YEATS2: variants seen among roughly 807,000 people sequenced by gnomAD.
The protein encoded by YEATS2 is YEATS domain-containing protein 2.
YEATS2 carries 77 observed loss-of-function variants against 163.2 expected under a neutral mutation model. That is an observed-to-expected ratio of 0.47 (90% CI 0.39 to 0.57). The LOEUF (loss-of-function observed/expected upper bound fraction) is 0.57, where lower values mean the gene tolerates loss of function less well. Among genes scored for constraint, YEATS2 ranks in the 20% least tolerant of loss-of-function variants. The pLI is 0.00. For synonymous variants in YEATS2, 631 were observed against 645.1 expected (o/e 0.98, Z 0.33); for missense variants, 1,549 against 1,729.8 (o/e 0.90, Z 1.85).
At chr3:183,748,241 C>G (rs1261906409) in intron 9 of YEATS2, among the ~76,000 whole-genome samples, 1 of 149,990 alleles carries the variant, frequency 6.7e-6, no homozygotes, top group East Asian at 2.0e-4. Context: ...TCCCCTTGTC[C>G]CCTCCCCTTC....
intron 10 of YEATS2, 145 bp downstream of exon 10, chr3:183,752,398 A>T: frequency 9.7e-7 from 1 of 1,035,982 alleles, no homozygotes; most frequent in Non-Finnish European, 1.4e-6. Flanking sequence ...ATGAAAGCCA[A>T]ATTTCCACTC....
rs138235063 is a variant in YEATS2, at chr3:183,807,941, G to A, written c.4012-89G>A. 2.7e-5 allele frequency: 29 copies of A among 1,089,806 alleles called. No individual in the cohort carries two copies. In the East Asian group the frequency reaches 6.1e-4, roughly 23 times the overall value. The allele number at this position is 1,089,806 out of a possible 1,614,324, so 67.5% of individuals were successfully genotyped here. ...AGAGTCCTCCTTCCAACCAGGCATC[G>A]CTTTGCATGTCAGGGAGGTATGCTT... On this transcript the variant is annotated intron_variant, in intron 28 of 30. Coordinates refer to ENST00000305135, the MANE Select transcript of YEATS2 (RefSeq NM_018023.5).
chr3:183,810,379 C>T (rs1237951008), intron 30 of YEATS2, 96 bp from the exon 31 acceptor site: 4 of 1,167,882 alleles, frequency 3.4e-6, no homozygotes, highest in Non-Finnish European at 5.0e-6. Flanking sequence ...CACGGGGCCT[C>T]TGCCTGGGAT....
At chr3:183,788,977 T>G (rs1347014979) in intron 20 of YEATS2, among the ~76,000 whole-genome samples, 1 of 152,252 alleles carries the variant, frequency 6.6e-6, no homozygotes, top group Non-Finnish European at 1.5e-5. Context: ...ATGAGATTGT[T>G]TGGCTTTTTT....
Position 183,810,645 on chromosome 3 carries a change from C to A in YEATS2, c.*62C>A. 6.7e-7 allele frequency: 1 copy of A among 1,497,758 alleles called. No individual in the cohort carries two copies. Among genetic ancestry groups the A allele is most frequent in the Non-Finnish European group, 9.2e-7 (1 of 1,082,270 alleles). 92.8% of individuals were successfully genotyped at this position (1,497,758 alleles called of 1,614,324 possible). A position where few individuals can be genotyped will look rare whatever the true frequency, so the allele number is the denominator to read the frequency against. On this transcript the variant is annotated 3_prime_UTR_variant, in exon 31 of 31. Transcript: ENST00000305135. ...GCACAGCGAAGCTGTAACTGAGGAC[C>A]CTGCTGCTCGGGAAGGAGGTGGTTT...
chr3:183,724,850 T>C (rs193008337), intron 6 of YEATS2, among the ~76,000 whole-genome samples: 231 of 152,250 alleles, frequency 1.5e-3, no homozygotes, highest in Non-Finnish European at 2.6e-3. Context: ...TTCAAGCGAT[T>C]CTCCTGCCTT....
At chr3:183,805,468 C>T (rs200652968) in intron 27 of YEATS2, among the ~76,000 whole-genome samples, 1 of 151,914 alleles carries the variant, frequency 6.6e-6, no homozygotes, top group Non-Finnish European at 1.5e-5. Flanking sequence ...AAGCTCCACC[C>T]CTCCTGTCCA....
intron 28 of YEATS2, 25 bp from the exon 29 acceptor site, chr3:183,808,005 A>G (rs1318904382): frequency 1.9e-6 from 3 of 1,549,704 alleles, no homozygotes; most frequent in Non-Finnish European, 2.6e-6. Context: ...CGATACGAAC[A>G]AACGGCTTTC....
intron 1 of YEATS2, among the ~76,000 whole-genome samples, chr3:183,700,349 T>TA (rs1713927005): frequency 1.3e-5 from 2 of 152,184 alleles, no homozygotes; most frequent in African/African-American, 4.8e-5. Context: ...CGATGTACAT[T>TA]ACCCTGTATT....
intron 12 of YEATS2, 74 bp from the exon 13 acceptor site, chr3:183,758,788 A>G (rs2109331202): frequency 3.0e-6 from 3 of 988,752 alleles, no homozygotes; most frequent in East Asian, 2.5e-5. Flanking sequence ...AGAGGGGAGG[A>G]TGGTAGAAAT....
chr3:183,735,131 T>C (rs1718202953), intron 7 of YEATS2, among the ~76,000 whole-genome samples: 1 of 152,216 alleles, frequency 6.6e-6, no homozygotes, highest in South Asian at 2.1e-4. Context: ...GGTTAGGCCA[T>C]GTACATAAAT....
At chr3:183,752,024 G>T (rs1178343444) in intron 9 of YEATS2, 49 bp from the exon 10 acceptor site, 4 of 1,601,834 alleles carry the variant, frequency 2.5e-6, no homozygotes, top group South Asian at 2.2e-5. Flanking sequence ...TGAGCTTTCT[G>T]TGACATTGAT....
chr3:183,722,184 A>AG lies in YEATS2; in HGVS notation c.537+48_537+49insG, dbSNP rs3841649. On this transcript the variant is annotated intron_variant, in intron 5 of 30. Transcript: ENST00000305135. Reference sequence around the variant, plus strand: ...GAGGGAGCCACAGGAGAAGGGAACTATATTTACTAAAGTATGCGCTTGTTA... The same window carrying AG: ...GAGGGAGCCACAGGAGAAGGGAACTAGTATTTACTAAAGTATGCGCTTGTTA... The AG allele has an allele frequency of 0.48, 757,772 of 1,585,528 alleles. 183,882 individuals carry two copies. The highest frequency in any genetic ancestry group is 0.65 in the East Asian group (28,770 of 44,522).
chr3:183,745,595 C>T (rs952008562), intron 8 of YEATS2, among the ~76,000 whole-genome samples: 49 of 151,956 alleles, frequency 3.2e-4, no homozygotes, highest in African/African-American at 8.2e-4. Flanking sequence ...TAAATAATGA[C>T]GTGTATTTGA....
intron 15 of YEATS2, among the ~76,000 whole-genome samples, chr3:183,770,309 G>A (rs917314421): frequency 3.3e-5 from 5 of 151,956 alleles, no homozygotes; most frequent in Middle Eastern, 3.2e-3. Context: ...GCATGAACCC[G>A]TGAGGCGGAG....
At chr3:183,736,211 A>C (rs567985116) in intron 7 of YEATS2, among the ~76,000 whole-genome samples, 7 of 152,296 alleles carry the variant, frequency 4.6e-5, no homozygotes, top group African/African-American at 1.7e-4. Flanking sequence ...CATAGTCACT[A>C]TTCAGGGAAG....
intron 1 of YEATS2, among the ~76,000 whole-genome samples, chr3:183,704,719 T>C (rs1436863121): frequency 6.6e-6 from 1 of 152,054 alleles, no homozygotes; most frequent in Non-Finnish European, 1.5e-5. Context: ...AACCTCCACT[T>C]CCTGGGTTCA....
At chr3:183,759,089 C>T (rs1360763582) in intron 13 of YEATS2, 124 bp downstream of exon 13, 2 of 632,930 alleles carry the variant, frequency 3.2e-6, no homozygotes, top group Non-Finnish European at 5.2e-6. Flanking sequence ...CTCCTGGCCT[C>T]AAGAGATCTG....
chr3:183,743,639 C>A (rs1051601438), intron 8 of YEATS2, among the ~76,000 whole-genome samples: 1 of 152,106 alleles, frequency 6.6e-6, no homozygotes, highest in African/African-American at 2.4e-5. Context: ...AACCACCTTG[C>A]CTGGCCCATA....
Sources: allele counts gnomAD v4.1 joint callset (sites outside exome capture counted in the v4.1 genomes callset), GRCh38; gene constraint gnomAD v4.1.1; transcripts MANE v1.5; gene names NCBI Gene and HGNC (gene_info 2026-07-23, HGNC 2026-07-21).